Variants in LAPTM4B observed in about 807,000 individuals in gnomAD.
LAPTM4B encodes the protein lysosomal protein transmembrane 4 beta.
A neutral mutation model predicts 28.5 loss-of-function variants in LAPTM4B; 26 were observed. The ratio of observed to expected loss-of-function variants is 0.91; its 90% CI spans 0.67 to 1.27. The LOEUF (loss-of-function observed/expected upper bound fraction) is 1.27. Ranked by LOEUF, LAPTM4B falls within the 50% of genes most tolerant of loss-of-function variation. The pLI is 0.00. For missense variants in LAPTM4B, 288 were observed against 285.8 expected (o/e 1.01, Z -0.06); for synonymous variants, 109 against 106.4 (o/e 1.02, Z -0.15).
At chr8:97,797,210 C>G (rs1816603280) in intron 1 of LAPTM4B, among the ~76,000 whole-genome samples, 1 of 151,576 alleles carries the variant, frequency 6.6e-6, no homozygotes, top group Non-Finnish European at 1.5e-5. Context: ...CCTCGGCTCA[C>G]TGAAACCTCT....
In LAPTM4B at chr8:97,853,004, A is replaced by G; in HGVS notation, c.*1530A>G. The G allele has an allele frequency of 1.2e-6, 1 of 868,518 alleles. No homozygotes were observed. Among genetic ancestry groups the G allele is most frequent in the Non-Finnish European group, 1.8e-6 (1 of 571,350 alleles). The allele number at this position is 868,518 out of a possible 1,614,324, so 53.8% of individuals were successfully genotyped here. ...GGCATACAAATGTTATCTACAGTGT[A>G]TTTTTAGATTTTTTATACTTGACCA... On this transcript the variant is annotated 3_prime_UTR_variant, in exon 7 of 7. Transcript: ENST00000521545.
At chr8:97,845,502 C>T (rs560422636) in intron 6 of LAPTM4B, among the ~76,000 whole-genome samples, 8 of 152,274 alleles carry the variant, frequency 5.3e-5, no homozygotes, top group South Asian at 2.1e-4. Flanking sequence ...CTCCTCACCC[C>T]GTTCCAGGCC....
chr8:97,827,950 T>TGTTG (rs1189785181), intron 6 of LAPTM4B, among the ~76,000 whole-genome samples: 2 of 152,088 alleles, frequency 1.3e-5, no homozygotes, highest in African/African-American at 4.8e-5. Flanking sequence ...AATGGTAGAA[T>TGTTG]GTTGCAAGGT....
chr8:97,809,816 G>T (rs1816800565), intron 2 of LAPTM4B, among the ~76,000 whole-genome samples: 1 of 152,144 alleles, frequency 6.6e-6, no homozygotes, highest in Non-Finnish European at 1.5e-5. Context: ...TCTCACTTTT[G>T]CAGGTGATCC....
chr8:97,787,019 T>G (rs1816414216), intron 1 of LAPTM4B, among the ~76,000 whole-genome samples: 1 of 152,024 alleles, frequency 6.6e-6, no homozygotes, highest in Non-Finnish European at 1.5e-5. Context: ...GGGGTGTAGC[T>G]CCACCATCCC....
intron 2 of LAPTM4B, among the ~76,000 whole-genome samples, chr8:97,806,347 T>C (rs1816755417): frequency 6.6e-6 from 1 of 152,114 alleles, no homozygotes; most frequent in African/African-American, 2.4e-5. Flanking sequence ...CCACCTAGGC[T>C]GCACTGGGGA....
chr8:97,787,176 T>G (rs1816416549), intron 1 of LAPTM4B, among the ~76,000 whole-genome samples: 1 of 152,142 alleles, frequency 6.6e-6, no homozygotes, highest in Non-Finnish European at 1.5e-5. Context: ...AGGAGCTTTA[T>G]TTTTTTAAGG....
chr8:97,840,757 C>T (rs902464974), intron 6 of LAPTM4B, among the ~76,000 whole-genome samples: 8 of 152,272 alleles, frequency 5.3e-5, no homozygotes, highest in South Asian at 4.1e-4. Context: ...GGTTGCACAG[C>T]GGCCGGGCAG....
At chr8:97,844,229 A>G (rs999480344) in intron 6 of LAPTM4B, among the ~76,000 whole-genome samples, 1 of 152,012 alleles carries the variant, frequency 6.6e-6, no homozygotes, top group African/African-American at 2.4e-5. Flanking sequence ...AGTAGCTGGG[A>G]TTACATGCAC....
chr8:97,841,583 C>T (rs1235513625), intron 6 of LAPTM4B, among the ~76,000 whole-genome samples: 1 of 152,216 alleles, frequency 6.6e-6, no homozygotes, highest in African/African-American at 2.4e-5. Context: ...CTGCCTCAGC[C>T]TCCCAAAGTG....
chr8:97,828,221 A>T (rs993234649), intron 6 of LAPTM4B, among the ~76,000 whole-genome samples: 2 of 152,070 alleles, frequency 1.3e-5, no homozygotes, highest in Admixed American at 6.6e-5. Flanking sequence ...GTATGGAGGG[A>T]TGATGGGAGA....
At chr8:97,833,740 G>A (rs746362601) in intron 6 of LAPTM4B, among the ~76,000 whole-genome samples, 1 of 152,122 alleles carries the variant, frequency 6.6e-6, no homozygotes, top group Non-Finnish European at 1.5e-5. Flanking sequence ...CCATTAGGAA[G>A]CAAATAATGT....
At chr8:97,795,622 G>A (rs1816568497) in intron 1 of LAPTM4B, among the ~76,000 whole-genome samples, 1 of 152,082 alleles carries the variant, frequency 6.6e-6, no homozygotes, top group South Asian at 2.1e-4. Flanking sequence ...GGGGGCTGAG[G>A]TGGGTGGATC....
chr8:97,821,373 G>A (rs1457274158), intron 5 of LAPTM4B, among the ~76,000 whole-genome samples: 2 of 152,036 alleles, frequency 1.3e-5, no homozygotes, highest in South Asian at 2.1e-4. Flanking sequence ...ACACCAGGTC[G>A]TGGGGGTTGT....
Position 97,819,169 on chromosome 8 carries a change from C to T in LAPTM4B, c.438C>T (p.Val146=), listed in dbSNP as rs569293574. The T allele has an allele frequency of 6.2e-7, 1 of 1,608,912 alleles. No individual in the cohort carries two copies. The highest frequency in any genetic ancestry group is 1.3e-5 in the African/African-American group (1 of 74,870). Residue 146 remains valine, a synonymous_variant, in exon 5 of 7, where the codon GTC becomes GTT. Transcript: ENST00000521545. ...CTAATTTTCCCTACAGAGATGATGTCATGTCAGTGAATCCTACCTGTTTGG... is the reference window on the plus strand; with the variant it reads ...CTAATTTTCCCTACAGAGATGATGTTATGTCAGTGAATCCTACCTGTTTGG... ...LPPNFPYRDD[V]MSVNPTCLVL...
Position 97,836,371 on chromosome 8 carries a change from G to T in LAPTM4B, c.603+11218G>T, listed in dbSNP as rs867519381. On this transcript the variant is annotated intron_variant, in intron 6 of 6. Transcript: ENST00000521545. ...AATTTTTGTATTTTCAGTAGAGACA[G>T]GGTTTCACCATATTGATCAGGCTGG... Among the ~76,000 whole-genome samples, 13 of 152,250 alleles carry T rather than the reference G, an allele frequency of 8.5e-5. 1 individual carries two copies. In the South Asian group the frequency reaches 1.5e-3, roughly 17 times the overall value.
In LAPTM4B at chr8:97,852,962, T is replaced by A; in HGVS notation, c.*1488T>A. 1.9e-6 allele frequency: 1 copy of A among 526,418 alleles called. No homozygotes were observed. The highest frequency in any genetic ancestry group is 3.2e-6 in the Non-Finnish European group (1 of 312,070). The allele number at this position is 526,418 out of a possible 1,614,324, so 32.6% of individuals were successfully genotyped here. A position where few individuals can be genotyped will look rare whatever the true frequency, so the allele number is the denominator to read the frequency against. On this transcript the variant is annotated 3_prime_UTR_variant, in exon 7 of 7. Coordinates refer to ENST00000521545, the MANE Select transcript of LAPTM4B (RefSeq NM_018407.6). ...GTGGGGGAAAAAAGCCAAACAGAAG[T>A]AGAAAAAGGTGTAGCCGGCATACAA... is the stretch of plus-strand genomic sequence containing the variant.
intron 1 of LAPTM4B, among the ~76,000 whole-genome samples, chr8:97,800,361 T>G (rs539999439): frequency 6.6e-6 from 1 of 152,144 alleles, no homozygotes; most frequent in South Asian, 2.1e-4. Flanking sequence ...TGTGAAGAGG[T>G]AAGATAACTA....
In LAPTM4B at chr8:97,775,926, C is replaced by G. The variant is rs760702744; in HGVS notation, c.-84C>G. 5.1e-6 allele frequency: 6 copies of G among 1,186,138 alleles called. No homozygotes were observed. The highest frequency in any genetic ancestry group is 5.7e-6 in the Non-Finnish European group (5 of 882,528). The allele number at this position is 1,186,138 out of a possible 1,614,324, so 73.5% of individuals were successfully genotyped here. On this transcript the variant is annotated 5_prime_UTR_variant, in exon 1 of 7. Coordinates refer to ENST00000521545, the MANE Select transcript of LAPTM4B (RefSeq NM_018407.6). Reference sequence around the variant, plus strand: ...GGAGCCGGAGCGGCGGAGGAGCCGGCAGCAGCGGCGCGGCGGGCTCCAGGC... The same window carrying G: ...GGAGCCGGAGCGGCGGAGGAGCCGGGAGCAGCGGCGCGGCGGGCTCCAGGC...
Sources: gnomAD v4.1 joint callset for allele counts (sites outside exome capture counted in the v4.1 genomes callset) on GRCh38, gnomAD v4.1.1 for gene constraint, MANE v1.5 for transcripts, NCBI Gene and HGNC (gene_info 2026-07-23, HGNC 2026-07-21) for gene names.